CEACAM6: variants seen among roughly 807,000 people sequenced by gnomAD.
The protein encoded by CEACAM6 is cell adhesion molecule CEACAM6.
CEACAM6 carries 21 observed loss-of-function variants against 32.4 expected under a neutral mutation model. The ratio of observed to expected loss-of-function variants is 0.65; its 90% CI spans 0.46 to 0.93. CEACAM6 has a LOEUF of 0.93. Ranked by LOEUF, CEACAM6 falls within the 40% of genes least tolerant of loss-of-function variation. CEACAM6 has a pLI of 0.00. For synonymous variants in CEACAM6, 184 were observed against 174.4 expected (o/e 1.06, Z -0.43); for missense variants, 406 against 432.2 (o/e 0.94, Z 0.54).
intron 5 of CEACAM6, among the ~76,000 whole-genome samples, chr19:41,770,152 C>T (rs1473794000): frequency 4.0e-5 from 6 of 149,770 alleles, no homozygotes; most frequent in Non-Finnish European, 7.4e-5. Flanking sequence ...TAGCTCACGT[C>T]GATAATCCCA....
chr19:41,765,513 G>C lies in CEACAM6; in HGVS notation c.959-670G>C, dbSNP rs975418394. ...ATTAGAGGTACAAGATAATTCACTG[G>C]GTAAAACAGCCATGAGGGAAGGTGG... On this transcript the variant is annotated intron_variant, in intron 4 of 5. Coordinates refer to ENST00000199764, the MANE Select transcript of CEACAM6 (RefSeq NM_002483.7). Among the ~76,000 whole-genome samples the C allele has an allele frequency of 1.2e-4, 18 of 152,190 alleles. No homozygotes were observed. The East Asian group carries it at 3.5e-3, about 29-fold the overall frequency.
At chr19:41,759,249 G>A (rs2072908436) in intron 2 of CEACAM6, among the ~76,000 whole-genome samples, 1 of 152,174 alleles carries the variant, frequency 6.6e-6, no homozygotes, top group African/African-American at 2.4e-5. Flanking sequence ...TCATAAGGTG[G>A]GGTCCCTTGG....
Position 41,770,809 on chromosome 19 carries a change from CA to C in CEACAM6, c.*49del, listed in dbSNP as rs1489988946. 6.5e-5 allele frequency: 10 copies of C among 153,066 alleles called. No homozygotes were observed. The highest frequency in any genetic ancestry group is 2.4e-4 in the African/African-American group (10 of 41,540). The allele number at this position is 153,066 out of a possible 1,614,324, so 9.5% of individuals were successfully genotyped here. A position where few individuals can be genotyped will look rare whatever the true frequency, so the allele number is the denominator to read the frequency against. On this transcript the variant is annotated 3_prime_UTR_variant, in exon 6 of 6. Transcript: ENST00000199764. ...TTCATTATCCACCTATAGATTGGAC[CA>C]GACCCTGAATTCTTCTAGCTCCTCC...
rs1555821962 is a variant in CEACAM6 at position 41,762,004 on chromosome 19, G to A, written c.739G>A (p.Ala247Thr). The A allele has an allele frequency of 1.2e-6, 2 of 1,614,044 alleles. No individual in the cohort carries two copies. ...TGTCCCCACCATTTCCCCCTCAAAG[G>A]CCAATTACCGTCCAGGGGAAAATCT... ...PDVPTISPSK[A>T]NYRPGENLNL... The change falls in exon 4 of 6, where the codon GCC becomes ACC. Residue 247 changes from alanine to threonine, a missense_variant. Transcript: ENST00000199764.
chr19:41,766,427 A>G, intron 5 of CEACAM6, 128 bp downstream of exon 5: 1 of 484,076 alleles, frequency 2.1e-6, no homozygotes, highest in Non-Finnish European at 3.7e-6. Context: ...GCTTCTCAGC[A>G]CTAATTCCTG....
intron 5 of CEACAM6, among the ~76,000 whole-genome samples, chr19:41,770,020 A>G (rs2072984113): frequency 6.6e-6 from 1 of 151,644 alleles, no homozygotes; most frequent in African/African-American, 2.4e-5. Context: ...CACTGCTGGC[A>G]AAGTCTGAAG....
In CEACAM6 at chr19:41,758,558, C is replaced by T. The variant is rs192999656; in HGVS notation, c.424+1599C>T. Among the ~76,000 whole-genome samples, 3 of 152,172 alleles carry T rather than the reference C, an allele frequency of 2.0e-5. No homozygotes were observed. In the East Asian group the frequency reaches 5.8e-4, roughly 29 times the overall value. On this transcript the variant is annotated intron_variant, in intron 2 of 5. Transcript: ENST00000199764. ...GGTTCCTTGGTCATTAGAGGGTTTT[C>T]AGGTCTCCCTGGTCCTGGTCTGGGG...
Position 41,768,694 on chromosome 19 carries a change from C to A in CEACAM6, c.*41-2108C>A, listed in dbSNP as rs1158673774. Among the ~76,000 whole-genome samples the A allele has an allele frequency of 4.6e-5, 7 of 151,908 alleles. 1 individual carries two copies. Among genetic ancestry groups the A allele is most frequent in the Middle Eastern group, 3.4e-3 (1 of 294 alleles). ...GGGGCGGCCGGGCAGAGGCGCCCCTCACCTCCCAGACGGGGCGGCTGGCCG... is the reference window on the plus strand; with the variant it reads ...GGGGCGGCCGGGCAGAGGCGCCCCTAACCTCCCAGACGGGGCGGCTGGCCG... On this transcript the variant is annotated intron_variant, in intron 5 of 5. Coordinates refer to ENST00000199764, the MANE Select transcript of CEACAM6 (RefSeq NM_002483.7).
At chr19:41,757,007 C>T in intron 2 of CEACAM6, 48 bp downstream of exon 2, 1 of 1,559,686 alleles carries the variant, frequency 6.4e-7, no homozygotes, top group Admixed American at 1.8e-5. Flanking sequence ...AGTTCTACTT[C>T]CCACATACGG....
intron 2 of CEACAM6, among the ~76,000 whole-genome samples, chr19:41,757,307 GGACCC>G (rs2072894695): frequency 6.6e-6 from 1 of 151,918 alleles, no homozygotes; most frequent in Admixed American, 6.6e-5. Context: ...GTCCCCCTAG[GGACCC>G]CTCAGAGAGA....
At chr19:41,757,076 T>C in intron 2 of CEACAM6, 117 bp downstream of exon 2, 2 of 1,501,696 alleles carry the variant, frequency 1.3e-6, no homozygotes, top group Non-Finnish European at 1.8e-6. Context: ...GTATCAGGGT[T>C]TGGACATTTA....
intron 4 of CEACAM6, among the ~76,000 whole-genome samples, chr19:41,763,141 G>A (rs1014675006): frequency 6.6e-6 from 1 of 152,096 alleles, no homozygotes; most frequent in African/African-American, 2.4e-5. Flanking sequence ...ACCCTTCCAC[G>A]TGTGCAGGTC....
At chr19:41,762,676 C>T (rs2072933866) in intron 4 of CEACAM6, among the ~76,000 whole-genome samples, 1 of 152,162 alleles carries the variant, frequency 6.6e-6, no homozygotes, top group East Asian at 1.9e-4. Flanking sequence ...GAAGAGGAAG[C>T]CCCTTGGGTG....
rs58622181 is a variant in CEACAM6, at chr19:41,768,325, G to C, written c.*40+2026G>C. Among the ~76,000 whole-genome samples, 4,069 of 151,864 alleles carry C rather than the reference G, an allele frequency of 0.027. 372 individuals carry two copies. In the East Asian group the frequency reaches 0.33, roughly 12 times the overall value. On this transcript the variant is annotated intron_variant, in intron 5 of 5. Transcript: ENST00000199764. ...TCTTAACGAGCATGCTGCCTTCAAG[G>C]ATCTGTTTAACAAAGCACATCTTGT...
intron 2 of CEACAM6, chr19:41,757,961 C>T (rs535829237): frequency 1.3e-5 from 2 of 152,298 alleles, no homozygotes; most frequent in East Asian, 3.9e-4. Flanking sequence ...GCCACAGCCC[C>T]CTCCTCTCCT....
At chr19:41,762,252 A>T in intron 4 of CEACAM6, 29 bp downstream of exon 4, 1 of 1,600,960 alleles carries the variant, frequency 6.2e-7, no homozygotes. Flanking sequence ...CACTAGCATC[A>T]CATTTTCAGG....
chr19:41,755,672 C>A lies in CEACAM6; in HGVS notation c.34C>A (p.His12Asn). The A allele has an allele frequency of 6.2e-7, 1 of 1,606,840 alleles. No individual in the cohort carries two copies. Among genetic ancestry groups the A allele is most frequent in the African/African-American group, 1.3e-5 (1 of 74,534 alleles). ...GPPSAPPCRL[H>N]VPWKEVLLTA... ...CCCCTCAGCCCCTCCCTGCAGATTG[C>A]ATGTCCCCTGGAAGGAGGTCCTGCT... is the stretch of plus-strand genomic sequence containing the variant. The change falls in exon 1 of 6, where the codon CAT (histidine) becomes AAT (asparagine). Residue 12 changes from histidine to asparagine, a missense_variant. By Grantham distance (68) the His-to-Asn change is moderately conservative. Coordinates refer to ENST00000199764, the MANE Select transcript of CEACAM6 (RefSeq NM_002483.7).
intron 4 of CEACAM6, among the ~76,000 whole-genome samples, chr19:41,764,901 G>C (rs1356009243): frequency 6.6e-6 from 1 of 152,104 alleles, no homozygotes; most frequent in Admixed American, 6.5e-5. Context: ...TAACTTCTCT[G>C]AGCCTTCAAT....
chr19:41,758,691 C>T (rs1272113199), intron 2 of CEACAM6, among the ~76,000 whole-genome samples: 2 of 152,140 alleles, frequency 1.3e-5, no homozygotes, highest in African/African-American at 4.8e-5. Flanking sequence ...CCCTCATTTT[C>T]CTCCCCTTTC....
Sources: allele counts gnomAD v4.1 joint callset (sites outside exome capture counted in the v4.1 genomes callset), GRCh38; gene constraint gnomAD v4.1.1; transcripts MANE v1.5; gene names NCBI Gene and HGNC (gene_info 2026-07-23, HGNC 2026-07-21).